Variants in BTRC observed in about 807,000 individuals in gnomAD.
BTRC encodes beta-transducin repeat containing E3 ubiquitin protein ligase.
A neutral mutation model predicts 85.5 loss-of-function variants in BTRC; 42 were observed. That is an observed-to-expected ratio of 0.49 (90% CI 0.38 to 0.64). BTRC has a LOEUF of 0.64. BTRC is among the 30% of genes least tolerant of loss of function. BTRC has a pLI of 0.00. For synonymous variants in BTRC, 255 were observed against 263.3 expected, an observed-to-expected ratio of 0.97 and a Z score of 0.30; for missense variants, 594 against 743.5, an observed-to-expected ratio of 0.80 and a Z score of 2.34.
At chr10:101,512,962 T>A (rs1216379040) in intron 4 of BTRC, among the ~76,000 whole-genome samples, 1 of 152,230 alleles carries the variant, frequency 6.6e-6, no homozygotes, top group Non-Finnish European at 1.5e-5. Context: ...GGTTGAGTCA[T>A]CAGGCTTTTG....
At chr10:101,483,673 C>G (rs1229968621) in intron 4 of BTRC, among the ~76,000 whole-genome samples, 1 of 151,918 alleles carries the variant, frequency 6.6e-6, no homozygotes, top group African/African-American at 2.4e-5. Flanking sequence ...ATTGAGATAC[C>G]TTTTTGTTTT....
chr10:101,385,615 C>T (rs1257149570), intron 1 of BTRC, among the ~76,000 whole-genome samples: 86 of 48,758 alleles, frequency 1.8e-3, no homozygotes, highest in African/African-American at 2.3e-3. Flanking sequence ...CTTTCTTCTT[C>T]TTCTTTTTTT....
At chr10:101,491,659 T>A (rs1407447261) in intron 4 of BTRC, among the ~76,000 whole-genome samples, 4 of 151,680 alleles carry the variant, frequency 2.6e-5, no homozygotes, top group Admixed American at 2.6e-4. Flanking sequence ...ATCGCGCCTC[T>A]GCACTCCAGC....
chr10:101,367,705 T>G (rs1433205399), intron 1 of BTRC, among the ~76,000 whole-genome samples: 1 of 152,150 alleles, frequency 6.6e-6, no homozygotes, highest in Non-Finnish European at 1.5e-5. Flanking sequence ...CATTCCAGGG[T>G]GTATTCTTTG....
intron 1 of BTRC, among the ~76,000 whole-genome samples, chr10:101,413,748 T>A (rs10883643): frequency 0.36 from 54,929 of 152,124 alleles, 11,017 homozygotes; most frequent in Middle Eastern, 0.48. Context: ...AAATGTTAGA[T>A]TGTGACCTTG....
Position 101,373,939 on chromosome 10 carries a change from G to GAA in BTRC, c.48+19724_48+19725dup, listed in dbSNP as rs576923560. Among the ~76,000 whole-genome samples the GAA allele has an allele frequency of 5.3e-3, 652 of 124,092 alleles. 8 individuals carry two copies. Among genetic ancestry groups the GAA allele is most frequent in the African/African-American group, 0.018 (583 of 32,598 alleles). The allele number at this position is 124,092 out of a possible 152,430, so 81.4% of individuals were successfully genotyped here. ...TCTCCAAAACAAAACAAACAAGACA[G>GAA]AAAAAAAAAAAAAAGATGGTCAAAG... On this transcript the variant is annotated intron_variant, in intron 1 of 14. Transcript: ENST00000370187.
chr10:101,466,175 C>A (rs774530525), intron 3 of BTRC, among the ~76,000 whole-genome samples: 2 of 152,106 alleles, frequency 1.3e-5, no homozygotes, highest in Admixed American at 1.3e-4. Context: ...AAATTGTGAC[C>A]GTTGTCTAAT....
intron 1 of BTRC, among the ~76,000 whole-genome samples, chr10:101,362,831 TA>T (rs1345675437): frequency 1.3e-5 from 2 of 152,104 alleles, no homozygotes; most frequent in South Asian, 4.1e-4. Flanking sequence ...GAGACCACAA[TA>T]AAAAATAACA....
intron 1 of BTRC, among the ~76,000 whole-genome samples, chr10:101,399,788 T>C (rs930700171): frequency 6.6e-6 from 1 of 152,192 alleles, no homozygotes; most frequent in African/African-American, 2.4e-5. Context: ...ACATCTTGGC[T>C]TATGATAAAT....
intron 4 of BTRC, among the ~76,000 whole-genome samples, chr10:101,515,090 G>A (rs2134344190): frequency 6.6e-6 from 1 of 152,034 alleles, no homozygotes; most frequent in East Asian, 1.9e-4. Flanking sequence ...AGGGTAGCTG[G>A]GATTACAGGC....
chr10:101,414,647 C>T (rs1351623796), intron 1 of BTRC: 4 of 517,558 alleles, frequency 7.7e-6, no homozygotes, highest in Non-Finnish European at 1.5e-5. Flanking sequence ...ATGTTAATTG[C>T]TCCCAAAGAC....
intron 4 of BTRC, among the ~76,000 whole-genome samples, chr10:101,508,939 A>G (rs1319137872): frequency 1.3e-5 from 2 of 150,316 alleles, no homozygotes; most frequent in African/African-American, 4.8e-5. Context: ...AAAAAAAACT[A>G]AAAGTAGAAT....
intron 4 of BTRC, among the ~76,000 whole-genome samples, chr10:101,499,307 G>C (rs891297976): frequency 6.6e-6 from 1 of 151,286 alleles, no homozygotes; most frequent in Non-Finnish European, 1.5e-5. Context: ...TGCGATCTGG[G>C]CTCACTGCAA....
At chr10:101,434,933 C>G (rs1373355019) in intron 2 of BTRC, among the ~76,000 whole-genome samples, 1 of 151,964 alleles carries the variant, frequency 6.6e-6, no homozygotes, top group Non-Finnish European at 1.5e-5. Flanking sequence ...CTGCACCTGG[C>G]CTCAACAAGA....
chr10:101,390,793 A>G (rs1194189308), intron 1 of BTRC, among the ~76,000 whole-genome samples: 1 of 152,122 alleles, frequency 6.6e-6, no homozygotes, highest in Non-Finnish European at 1.5e-5. Flanking sequence ...AAGAAAAACA[A>G]CAACTTTTAA....
intron 3 of BTRC, among the ~76,000 whole-genome samples, chr10:101,472,370 A>G (rs981460359): frequency 5.1e-5 from 7 of 136,142 alleles, no homozygotes; most frequent in Admixed American, 8.0e-5. Flanking sequence ...GTCTCTCCCT[A>G]TGTTGTCCAG....
rs563576910 is a variant in BTRC, at chr10:101,474,940, C to T, written c.235-4428C>T. On this transcript the variant is annotated intron_variant, in intron 3 of 14. Transcript: ENST00000370187. ...CAAACATTTCTGCCATTACTGGAAG[C>T]GGAACTCTTTGAGTCAAGTTATATT... 2.6e-5 allele frequency among the ~76,000 whole-genome samples: 4 copies of T among 152,244 alleles called. No individual in the cohort carries two copies. In the East Asian group the frequency reaches 5.8e-4, roughly 22 times the overall value.
At chr10:101,413,194 G>A (rs551842405) in intron 1 of BTRC, among the ~76,000 whole-genome samples, 130 of 152,240 alleles carry the variant, frequency 8.5e-4, no homozygotes, top group African/African-American at 3.0e-3. Context: ...GTGCAATCTC[G>A]GCTCACTGCA....
At chr10:101,409,992 T>C (rs1336417997) in intron 1 of BTRC, among the ~76,000 whole-genome samples, 2 of 152,220 alleles carry the variant, frequency 1.3e-5, no homozygotes, top group Non-Finnish European at 2.9e-5. Context: ...ACTGCCAAAT[T>C]GTTTCCCGTG....
Sources: gnomAD v4.1 joint callset for allele counts (sites outside exome capture counted in the v4.1 genomes callset) on GRCh38, gnomAD v4.1.1 for gene constraint, MANE v1.5 for transcripts, NCBI Gene and HGNC (gene_info 2026-07-23, HGNC 2026-07-21) for gene names.